WLS: variants seen among roughly 807,000 people sequenced by gnomAD.
WLS encodes protein wntless homolog.
Under a neutral mutation model 62.8 loss-of-function variants are expected in WLS, and 23 were observed. That is an observed-to-expected ratio of 0.37 (90% CI 0.26 to 0.52). WLS has a LOEUF of 0.52. Among genes scored for constraint, WLS ranks in the 20% least tolerant of loss-of-function variants. The pLI, the probability that WLS is intolerant of heterozygous loss-of-function variation, is 0.92. For missense variants in WLS, 615 were observed against 697.3 expected (o/e 0.88, Z 1.33); for synonymous variants, 246 against 244.1 (o/e 1.01, Z -0.07).
chr1:68,220,205 T>G (rs771099618), intron 1 of WLS, among the ~76,000 whole-genome samples: 3 of 152,186 alleles, frequency 2.0e-5, no homozygotes, highest in African/African-American at 7.2e-5. Context: ...TCTTGCCTAA[T>G]AGGAAGGCTA....
At chr1:68,173,273 A>C (rs977765200) in intron 2 of WLS, among the ~76,000 whole-genome samples, 1 of 152,242 alleles carries the variant, frequency 6.6e-6, no homozygotes, top group Non-Finnish European at 1.5e-5. Context: ...AATCAACATC[A>C]ATGTGGAAAG....
At chr1:68,170,156 A>ATTCTT (rs1647125279) in intron 2 of WLS, among the ~76,000 whole-genome samples, 1 of 102,514 alleles carries the variant, frequency 9.8e-6, no homozygotes, top group Admixed American at 1.0e-4. Context: ...GCTGGCTACT[A>ATTCTT]TTTCTTTTTT....
At chr1:68,118,683 G>A (rs774713401) in intron 11 of WLS, among the ~76,000 whole-genome samples, 3 of 151,576 alleles carry the variant, frequency 2.0e-5, no homozygotes, top group Non-Finnish European at 4.4e-5. Flanking sequence ...AGACCAGCCT[G>A]GCCAACATGG....
At chr1:68,133,373 G>A (rs2566781) in intron 11 of WLS, among the ~76,000 whole-genome samples, 54,377 of 151,964 alleles carry the variant, frequency 0.36, 9,882 homozygotes, top group Non-Finnish European at 0.39. Context: ...CTGCTGGTGA[G>A]AACACTCCAG....
In WLS at chr1:68,148,659, T is replaced by A. The variant is rs759083110; in HGVS notation, c.974A>T (p.Asp325Val). The A allele has an allele frequency of 3.7e-6, 6 of 1,613,436 alleles. No homozygotes were observed. In the East Asian group the frequency reaches 1.3e-4, roughly 36 times the overall value. Residue 325 changes from aspartate (D) to valine (V), a missense_variant and splice_region_variant, in exon 7 of 12, where the codon GAT (aspartate) becomes GTT (valine). Transcript: ENST00000262348. ...TGCGATGTGGTTCCGCTCGTGCTGA[T>A]CCTGAGGAAAACCAAATTGAGAAGG... ...WIIFCGEHMM[D>V]QHERNHIAGY...
At chr1:68,186,265 A>G (rs891526) in intron 2 of WLS, among the ~76,000 whole-genome samples, 32,592 of 152,044 alleles carry the variant, frequency 0.21, 3,599 homozygotes, top group East Asian at 0.37. Context: ...TAAAACCTGT[A>G]TCACTTTTAA....
chr1:68,144,834 G>A (rs951763819), intron 9 of WLS, among the ~76,000 whole-genome samples, 182 bp from the exon 10 acceptor site: 3 of 152,050 alleles, frequency 2.0e-5, no homozygotes, highest in Non-Finnish European at 2.9e-5. Flanking sequence ...AAAATTTCTT[G>A]GGCCAAGTAT....
chr1:68,167,506 G>A (rs1401951660), intron 2 of WLS, among the ~76,000 whole-genome samples: 6 of 152,136 alleles, frequency 3.9e-5, no homozygotes, highest in African/African-American at 9.7e-5. Flanking sequence ...TAATGAAGGC[G>A]AGGAATCCAA....
At chr1:68,150,440 A>T (rs779644446) in intron 5 of WLS, 84 bp from the exon 6 acceptor site, 80 of 1,551,680 alleles carry the variant, frequency 5.2e-5, no homozygotes, top group Non-Finnish European at 7.0e-5. Context: ...CAGTTTTGAG[A>T]CATGAGATGT....
At chr1:68,175,834 T>C (rs1242605356) in intron 2 of WLS, among the ~76,000 whole-genome samples, 1 of 152,116 alleles carries the variant, frequency 6.6e-6, no homozygotes, top group African/African-American at 2.4e-5. Flanking sequence ...AGGAGAAAAG[T>C]AGATTTCAAC....
intron 8 of WLS, among the ~76,000 whole-genome samples, chr1:68,146,840 G>A (rs1214632376): frequency 6.6e-6 from 1 of 152,110 alleles, no homozygotes; most frequent in African/African-American, 2.4e-5. Context: ...TGCCTTGGAA[G>A]GCAGATGACC....
chr1:68,131,964 A>G (rs1309512912), intron 11 of WLS, among the ~76,000 whole-genome samples: 3 of 152,232 alleles, frequency 2.0e-5, no homozygotes, highest in Non-Finnish European at 4.4e-5. Context: ...TGATACCTTA[A>G]TATCAGACTG....
chr1:68,142,193 G>A (rs1646695836), intron 10 of WLS, among the ~76,000 whole-genome samples: 1 of 152,200 alleles, frequency 6.6e-6, no homozygotes, highest in African/African-American at 2.4e-5. Context: ...ACTTCAGGTG[G>A]GAGGCATTCC....
intron 1 of WLS, among the ~76,000 whole-genome samples, chr1:68,210,365 T>C (rs1275334550): frequency 6.6e-6 from 1 of 152,214 alleles, no homozygotes; most frequent in Non-Finnish European, 1.5e-5. Context: ...TTTGAAAGGC[T>C]ACTGTGTAAC....
At chr1:68,118,820 T>G (rs1199207721) in intron 11 of WLS, among the ~76,000 whole-genome samples, 7 of 129,196 alleles carry the variant, frequency 5.4e-5, no homozygotes, top group Non-Finnish European at 1.1e-4. Flanking sequence ...GAGATTGTAG[T>G]GAGCCGAGAT....
intron 2 of WLS, among the ~76,000 whole-genome samples, chr1:68,176,878 A>G (rs987019245): frequency 1.3e-5 from 2 of 152,206 alleles, no homozygotes; most frequent in African/African-American, 4.8e-5. Context: ...TCTAGCATTG[A>G]GCCTGCAGAG....
At chr1:68,151,207 G>T (rs2100470141) in intron 5 of WLS, among the ~76,000 whole-genome samples, 1 of 152,304 alleles carries the variant, frequency 6.6e-6, no homozygotes, top group African/African-American at 2.4e-5. Flanking sequence ...AAGGGTGTTT[G>T]GAGGAGAGGG....
In WLS at chr1:68,158,264, T is replaced by A. The variant is rs111525361; in HGVS notation, c.504+859A>T. ...CAGGTGATGCTGCCACTGTTGGTTC[T>A]CAGAACACATTTTCTGTAGCTTTGT... On this transcript the variant is annotated intron_variant, in intron 3 of 11. Coordinates refer to ENST00000262348, the MANE Select transcript of WLS (RefSeq NM_024911.7). Among the ~76,000 whole-genome samples, 50 of 152,296 alleles carry A rather than the reference T, an allele frequency of 3.3e-4. 1 individual carries two copies. The highest frequency in any genetic ancestry group is 1.2e-3 in the African/African-American group (50 of 41,556).
chr1:68,208,490 T>C (rs867473698), intron 1 of WLS, among the ~76,000 whole-genome samples: 4 of 152,086 alleles, frequency 2.6e-5, no homozygotes, highest in Non-Finnish European at 2.9e-5. Context: ...AGCGGGAGTG[T>C]TGGGGAGATT....
Sources: gnomAD v4.1 joint callset for allele counts (sites outside exome capture counted in the v4.1 genomes callset) on GRCh38, gnomAD v4.1.1 for gene constraint, MANE v1.5 for transcripts, NCBI Gene and HGNC (gene_info 2026-07-23, HGNC 2026-07-21) for gene names.